TCFL5: variants seen among roughly 807,000 people sequenced by gnomAD.
TCFL5 encodes transcription factor-like 5 protein.
A neutral mutation model predicts 44.3 loss-of-function variants in TCFL5; 9 were observed. The observed-to-expected ratio is 0.20, with a 90% CI of 0.12 to 0.35. TCFL5 has a LOEUF of 0.35. Ranked by LOEUF, TCFL5 falls within the 10% of genes least tolerant of loss-of-function variation. TCFL5 has a pLI of 1.00. For missense variants in TCFL5, 603 were observed against 613.4 expected (o/e 0.98, Z 0.18); for synonymous variants, 319 against 271.6 (o/e 1.17, Z -1.72).
chr20:62,859,325 C>T, intron 3 of TCFL5, 39 bp downstream of exon 3: 1 of 1,588,272 alleles, frequency 6.3e-7, no homozygotes, highest in Non-Finnish European at 8.6e-7. Flanking sequence ...AGGGCTCAGT[C>T]AGAAGAAAGC....
chr20:62,841,154 C>T lies in TCFL5; in HGVS notation c.*821G>A, dbSNP rs916805547. On this transcript the variant is annotated 3_prime_UTR_variant, in exon 6 of 6. Transcript: ENST00000335351. ...GAATTTAATGTACAGTAAATTCTCT[C>T]CCATACAAAGGTCTAGTCTGATGTT... 11 of 207,460 alleles carry T rather than the reference C, an allele frequency of 5.3e-5. No individual in the cohort carries two copies. The highest frequency in any genetic ancestry group is 2.4e-5 in the African/African-American group (1 of 42,206). 12.9% of individuals were successfully genotyped at this position (207,460 alleles called of 1,614,324 possible). A position where few individuals can be genotyped will look rare whatever the true frequency, so the allele number is the denominator to read the frequency against.
At position 62,841,681 on chromosome 20, in the gene TCFL5, A is replaced by G. The variant is rs1342368640; in HGVS notation, c.*294T>C. 2.3e-5 allele frequency: 5 copies of G among 214,220 alleles called. No homozygotes were observed. Among genetic ancestry groups the G allele is most frequent in the African/African-American group, 6.9e-5 (3 of 43,556 alleles). The allele number at this position is 214,220 out of a possible 1,614,324, so 13.3% of individuals were successfully genotyped here. ...TTTTAAGTTATCATGTTAAGAAAAC[A>G]TGATGGAATCAGAGCATTGAGAAAA... On this transcript the variant is annotated 3_prime_UTR_variant, in exon 6 of 6. Transcript: ENST00000335351.
At chr20:62,851,971 AT>A in intron 5 of TCFL5, 2 of 815,850 alleles carry the variant, frequency 2.5e-6, no homozygotes, top group Non-Finnish European at 3.0e-6. Flanking sequence ...CGCCTGGCTA[AT>A]TTTTGTATTT....
intron 5 of TCFL5, chr20:62,852,309 G>A: frequency 5.3e-6 from 5 of 940,858 alleles, no homozygotes; most frequent in Non-Finnish European, 6.2e-6. Context: ...CAACGCTGAG[G>A]CCGGGACCTG....
chr20:62,861,045 T>A lies in TCFL5; in HGVS notation c.626A>T (p.Glu209Val). The change falls in exon 1 of 6, where the codon GAG becomes GTG. Residue 209 changes from glutamate (E) to valine (V), a missense_variant. Glu to Val is a moderately radical substitution (Grantham distance 121). Around this residue, in one of 4 missense-constraint regions of TCFL5, gnomAD observed 540 missense variants for 478.7 expected, o/e 1.13. Transcript: ENST00000335351. This position sits in a 1 kb window ranked among gnomAD's most constrained non-coding sequence, Gnocchi z 4.0. Reference sequence around the variant, plus strand: ...GCACTTGTTGAGCGCCCCGCCCGGCTCGGGGGGCTCGGGGCCGCGCGGCGC... The same window carrying A: ...GCACTTGTTGAGCGCCCCGCCCGGCACGGGGGGCTCGGGGCCGCGCGGCGC... Reference protein sequence around the residue: ...PPAPRGPEPPEPGGALNNLVT... With the variant: ...PPAPRGPEPPVPGGALNNLVT... 1.0e-6 allele frequency: 1 copy of A among 994,278 alleles called. No individual in the cohort carries two copies. The highest frequency in any genetic ancestry group is 1.2e-6 in the Non-Finnish European group (1 of 837,436). 61.6% of individuals were successfully genotyped at this position (994,278 alleles called of 1,614,324 possible). A position where few individuals can be genotyped will look rare whatever the true frequency, so the allele number is the denominator to read the frequency against.
chr20:62,843,925 T>C (rs1219779349), intron 5 of TCFL5, among the ~76,000 whole-genome samples: 1 of 152,238 alleles, frequency 6.6e-6, no homozygotes, highest in Non-Finnish European at 1.5e-5. Context: ...CAGAATTTCA[T>C]TCCTTTTCAT....
At chr20:62,844,527 C>A (rs987956298) in intron 5 of TCFL5, among the ~76,000 whole-genome samples, 3 of 151,880 alleles carry the variant, frequency 2.0e-5, no homozygotes, top group Non-Finnish European at 4.4e-5. Flanking sequence ...TACAGGTGCA[C>A]ACCATCACGC....
At position 62,841,378 on chromosome 20, in the gene TCFL5, G is replaced by C. The variant is rs1019532008; in HGVS notation, c.*597C>G. On this transcript the variant is annotated 3_prime_UTR_variant, in exon 6 of 6. Transcript: ENST00000335351. ...AAAACGTGGCATTTAAGCGTCTACT[G>C]TGACAGTATTTCATTTGTGGACAAA... The C allele has an allele frequency of 6.5e-6, 1 of 154,150 alleles. No individual in the cohort carries two copies. The highest frequency in any genetic ancestry group is 2.4e-5 in the African/African-American group (1 of 41,454). 9.5% of individuals were successfully genotyped at this position (154,150 alleles called of 1,614,324 possible).
intron 5 of TCFL5, chr20:62,845,323 G>A (rs775219265): frequency 5.3e-5 from 50 of 950,900 alleles, no homozygotes; most frequent in Admixed American, 1.9e-4. Context: ...GGGTCACACC[G>A]TATTGGCCAG....
intron 2 of TCFL5, among the ~76,000 whole-genome samples, chr20:62,859,893 C>T (rs1294389272): frequency 6.6e-6 from 1 of 151,888 alleles, no homozygotes; most frequent in Non-Finnish European, 1.5e-5. Context: ...GGTTAATTTT[C>T]GTACGGGGTT....
intron 4 of TCFL5, among the ~76,000 whole-genome samples, chr20:62,856,427 A>C (rs112620087): frequency 0.035 from 5,289 of 150,990 alleles, 318 homozygotes; most frequent in African/African-American, 0.12. Context: ...GGCAATAGCC[A>C]GGAGCGGTGG....
At chr20:62,852,215 G>C (rs1041531513) in intron 5 of TCFL5, 1 of 985,460 alleles carries the variant, frequency 1.0e-6, no homozygotes, top group Non-Finnish European at 1.2e-6. Flanking sequence ...CTTGGACCAG[G>C]TACAAAGTCA....
intron 5 of TCFL5, among the ~76,000 whole-genome samples, chr20:62,848,575 T>C (rs900153481): frequency 6.6e-6 from 1 of 151,726 alleles, no homozygotes; most frequent in African/African-American, 2.4e-5. Flanking sequence ...CTGTCTCTAC[T>C]AAAAATACAA....
Position 62,842,700 on chromosome 20 carries a change from T to C in TCFL5, c.1381-603A>G, listed in dbSNP as rs1600819679. On this transcript the variant is annotated intron_variant, in intron 5 of 5. Transcript: ENST00000335351. This position sits in a 1 kb window ranked among gnomAD's most constrained non-coding sequence, Gnocchi z 4.3. ...ATCTCTTGAGCCTGGGAGGTGGAGGTTGCAGTGAGCCGAGATCATGCCATT... is the reference window on the plus strand; with the variant it reads ...ATCTCTTGAGCCTGGGAGGTGGAGGCTGCAGTGAGCCGAGATCATGCCATT... Among the ~76,000 whole-genome samples the C allele has an allele frequency of 6.6e-6, 1 of 152,026 alleles. No homozygotes were observed. Among genetic ancestry groups the C allele is most frequent in the African/African-American group, 2.4e-5 (1 of 41,366 alleles).
chr20:62,843,745 C>A (rs942271532), intron 5 of TCFL5, among the ~76,000 whole-genome samples: 1 of 152,230 alleles, frequency 6.6e-6, no homozygotes, highest in Non-Finnish European at 1.5e-5. Context: ...AACACTAACT[C>A]CACACCGCTC....
chr20:62,855,601 T>C (rs936079421), intron 4 of TCFL5, among the ~76,000 whole-genome samples: 6 of 152,062 alleles, frequency 3.9e-5, no homozygotes, highest in African/African-American at 1.2e-4. Context: ...ACCCCTCCTG[T>C]ACTAAAAATA....
At chr20:62,846,778 A>G (rs1476828581) in intron 5 of TCFL5, among the ~76,000 whole-genome samples, 10 of 151,818 alleles carry the variant, frequency 6.6e-5, no homozygotes, top group Non-Finnish European at 1.2e-4. Flanking sequence ...AAAAAAAAAA[A>G]AGAGAGAAAG....
intron 5 of TCFL5, chr20:62,852,859 AC>A (rs2063830276): frequency 6.2e-6 from 8 of 1,289,358 alleles, no homozygotes; most frequent in African/African-American, 1.5e-5. Context: ...AAGTATGTTC[AC>A]CCAGTCCATG....
chr20:62,842,266 TAA>T lies in TCFL5; in HGVS notation c.1381-171_1381-170del, dbSNP rs1297271664. On this transcript the variant is annotated intron_variant, in intron 5 of 5. Coordinates refer to ENST00000335351, the MANE Select transcript of TCFL5 (RefSeq NM_006602.4). This position sits in a 1 kb window ranked among gnomAD's most constrained non-coding sequence, Gnocchi z 4.3. Reference sequence around the variant, plus strand: ...TTACCTCACAAGGGGATTTATATAATAAACAGATTTTAACTTTTTTTTTTTCA... The same window carrying T: ...TTACCTCACAAGGGGATTTATATAATACAGATTTTAACTTTTTTTTTTTCA... Among the ~76,000 whole-genome samples the T allele has an allele frequency of 6.8e-6, 1 of 146,872 alleles. No individual in the cohort carries two copies. Among genetic ancestry groups the T allele is most frequent in the African/African-American group, 2.6e-5 (1 of 38,960 alleles).
Sources: allele counts gnomAD v4.1 joint callset (sites outside exome capture counted in the v4.1 genomes callset), GRCh38; gene constraint gnomAD v4.1.1; regional missense constraint gnomAD v4.1.1; non-coding constraint Gnocchi (gnomAD v3.1); transcripts MANE v1.5; gene names NCBI Gene and HGNC (gene_info 2026-07-23, HGNC 2026-07-21).